Variants in PRKCE observed in about 807,000 individuals in gnomAD.
The protein encoded by PRKCE is protein kinase C epsilon.
Under a neutral mutation model 85.4 loss-of-function variants are expected in PRKCE, and 16 were observed. The ratio of observed to expected loss-of-function variants is 0.19; its 90% CI spans 0.13 to 0.28. The LOEUF is 0.28. Ranked by LOEUF, PRKCE falls within the 10% of genes least tolerant of loss-of-function variation. The pLI is 1.00. For missense variants in PRKCE, 573 were observed against 975.2 expected (o/e 0.59, Z 5.49); for synonymous variants, 388 against 371.5 (o/e 1.04, Z -0.51).
At chr2:45,971,453 G>C (rs1411589074) in intron 2 of PRKCE, among the ~76,000 whole-genome samples, 1 of 152,160 alleles carries the variant, frequency 6.6e-6, no homozygotes, top group African/African-American at 2.4e-5. Context: ...AAGGTAGAAA[G>C]CTATGCTAAG....
chr2:45,937,370 G>C (rs1026387580), intron 2 of PRKCE, among the ~76,000 whole-genome samples: 5 of 152,188 alleles, frequency 3.3e-5, no homozygotes, highest in Non-Finnish European at 7.3e-5. Flanking sequence ...ATGGGATGGA[G>C]GCTAACACCT....
intron 6 of PRKCE, among the ~76,000 whole-genome samples, chr2:45,994,814 G>A (rs1424055897): frequency 6.6e-6 from 1 of 152,164 alleles, no homozygotes; most frequent in African/African-American, 2.4e-5. Flanking sequence ...TAGTGTAATT[G>A]CTGGATCTTA....
intron 1 of PRKCE, among the ~76,000 whole-genome samples, chr2:45,838,760 CTG>C (rs1305221650): frequency 6.6e-6 from 1 of 152,150 alleles, no homozygotes; most frequent in Non-Finnish European, 1.5e-5. Context: ...CTACAGCTGC[CTG>C]CCACCACACC....
intron 7 of PRKCE, among the ~76,000 whole-genome samples, chr2:46,002,402 A>G (rs1033759689): frequency 2.0e-5 from 3 of 152,204 alleles, no homozygotes; most frequent in African/African-American, 7.2e-5. Context: ...TACCTCTGCA[A>G]TCTTCCGCCT....
chr2:45,734,072 A>T (rs1437752707), intron 1 of PRKCE, among the ~76,000 whole-genome samples: 1 of 152,162 alleles, frequency 6.6e-6, no homozygotes, highest in Admixed American at 6.5e-5. Context: ...CCAGTGGAAA[A>T]CATTAAACCC....
chr2:45,839,096 A>G (rs2105458354), intron 1 of PRKCE, among the ~76,000 whole-genome samples: 1 of 151,784 alleles, frequency 6.6e-6, no homozygotes, highest in African/African-American at 2.4e-5. Flanking sequence ...CTTACCCACC[A>G]CGTGCAGAGT....
chr2:46,086,421 A>G (rs1669645483), intron 11 of PRKCE, 59 bp downstream of exon 11: 1 of 1,549,312 alleles, frequency 6.5e-7, no homozygotes, highest in Non-Finnish European at 8.7e-7. Flanking sequence ...TGCTTCAGAC[A>G]CTTGAACTGA....
At chr2:46,043,335 G>A (rs1708325695) in intron 10 of PRKCE, among the ~76,000 whole-genome samples, 1 of 152,144 alleles carries the variant, frequency 6.6e-6, no homozygotes, top group Non-Finnish European at 1.5e-5. Context: ...ACTTCTTACA[G>A]TCATGCTTAT....
At position 46,001,896 on chromosome 2, in the gene PRKCE, A is replaced by G. The variant is rs1211864370; in HGVS notation, c.966+350A>G. Among the ~76,000 whole-genome samples, 2 of 152,238 alleles carry G rather than the reference A, an allele frequency of 1.3e-5. No homozygotes were observed. Among genetic ancestry groups the G allele is most frequent in the Non-Finnish European group, 2.9e-5 (2 of 68,042 alleles). On this transcript the variant is annotated intron_variant, in intron 7 of 14. Coordinates refer to ENST00000306156, the MANE Select transcript of PRKCE (RefSeq NM_005400.3). This position sits in a 1 kb window ranked among gnomAD's most constrained non-coding sequence, Gnocchi z 4.4. The stretch of plus-strand genomic sequence containing the variant: ...CCAGAACTGGCATGAAAGCAATGTC[A>G]GTGTCTGAACTTCACCCTTGGTATC...
intron 2 of PRKCE, among the ~76,000 whole-genome samples, chr2:45,944,620 C>T (rs1461715917): frequency 1.3e-5 from 2 of 149,170 alleles, no homozygotes; most frequent in Admixed American, 6.7e-5. Context: ...TCCCAAGTAG[C>T]CGGGACTACA....
At chr2:45,744,473 CTTTCTTTCTTTCTTTTTCTTTCTTTCT>C (rs1682916211) in intron 1 of PRKCE, among the ~76,000 whole-genome samples, 2 of 39,096 alleles carry the variant, frequency 5.1e-5, no homozygotes, top group African/African-American at 9.5e-5. Flanking sequence ...TTCTTTCTTT[CTTTCTTTCTTTCTTTTTCTTTCTTTCT>C]TTTCTTTCTT....
At chr2:45,755,472 G>T (rs1304339121) in intron 1 of PRKCE, among the ~76,000 whole-genome samples, 1 of 152,142 alleles carries the variant, frequency 6.6e-6, no homozygotes, top group South Asian at 2.1e-4. Context: ...TTCATTCTAC[G>T]GTGACTGCTA....
intron 1 of PRKCE, among the ~76,000 whole-genome samples, chr2:45,779,961 G>A (rs1460568328): frequency 1.3e-5 from 2 of 152,020 alleles, no homozygotes; most frequent in Non-Finnish European, 2.9e-5. Context: ...AATCAATTTT[G>A]TTTTCTCCCT....
chr2:45,739,008 A>T (rs990560371), intron 1 of PRKCE, among the ~76,000 whole-genome samples: 12 of 152,240 alleles, frequency 7.9e-5, no homozygotes, highest in Non-Finnish European at 1.8e-4. Context: ...GTGGGATGAC[A>T]GTGCTCATAT....
intron 2 of PRKCE, among the ~76,000 whole-genome samples, chr2:45,854,458 G>A (rs1007880311): frequency 4.6e-5 from 7 of 152,194 alleles, no homozygotes; most frequent in Non-Finnish European, 8.8e-5. Context: ...CGCTGAATTA[G>A]CATTAGGTGG....
At chr2:46,060,681 T>A (rs1474747448) in intron 10 of PRKCE, among the ~76,000 whole-genome samples, 1 of 151,632 alleles carries the variant, frequency 6.6e-6, no homozygotes, top group African/African-American at 2.4e-5. Context: ...TGTGCGTCCA[T>A]CCCACTCACC....
At chr2:45,802,934 GA>G (rs1479776291) in intron 1 of PRKCE, among the ~76,000 whole-genome samples, 1 of 152,208 alleles carries the variant, frequency 6.6e-6, no homozygotes, top group African/African-American at 2.4e-5. Flanking sequence ...TTCTGGATAT[GA>G]TGCAATGTCA....
intron 1 of PRKCE, among the ~76,000 whole-genome samples, chr2:45,791,936 T>G (rs555395737): frequency 1.3e-5 from 2 of 152,338 alleles, no homozygotes; most frequent in African/African-American, 4.8e-5. Context: ...ATGGCACCTG[T>G]TCCACGGGGT....
chr2:46,079,033 A>G (rs1411926653), intron 10 of PRKCE, among the ~76,000 whole-genome samples: 3 of 151,782 alleles, frequency 2.0e-5, no homozygotes, highest in African/African-American at 7.3e-5. Context: ...AAAAATTAGC[A>G]AGGTGTGGTG....
Sources: gnomAD v4.1 joint callset for allele counts (sites outside exome capture counted in the v4.1 genomes callset) on GRCh38, gnomAD v4.1.1 for gene constraint, Gnocchi (gnomAD v3.1) non-coding constraint, MANE v1.5 for transcripts, NCBI Gene and HGNC (gene_info 2026-07-23, HGNC 2026-07-21) for gene names.